The following SPATA16 variants were observed in gnomAD, a reference collection of about 807,000 sequenced individuals.
SPATA16 encodes spermatogenesis associated 16, also known as spermatogenesis-associated protein 16.
A neutral mutation model predicts 63.3 loss-of-function variants in SPATA16; 36 were observed. The ratio of observed to expected loss-of-function variants is 0.57; its 90% CI spans 0.44 to 0.75. The LOEUF (loss-of-function observed/expected upper bound fraction) is 0.75, where lower values mean the gene tolerates loss of function less well. Among genes scored for constraint, SPATA16 ranks in the 30% least tolerant of loss-of-function variants. The pLI is 0.00. For missense variants in SPATA16, 646 were observed against 679.3 expected (o/e 0.95, Z 0.54); for synonymous variants, 203 against 216.7 (o/e 0.94, Z 0.56).
At chr3:172,956,638 C>T (rs1733601638) in intron 6 of SPATA16, 39 bp downstream of exon 6, 1 of 1,600,566 alleles carries the variant, frequency 6.2e-7, no homozygotes, top group Non-Finnish European at 8.5e-7. Context: ...TTATTTGAAA[C>T]AAAATATCAG....
At chr3:172,960,905 C>CTTTCTTTCTTTCTTTCT (rs1733742352) in intron 5 of SPATA16, among the ~76,000 whole-genome samples, 1 of 129,966 alleles carries the variant, frequency 7.7e-6, no homozygotes, top group Non-Finnish European at 1.5e-5. Flanking sequence ...TTCCTTCCTT[C>CTTTCTTTCTTTCTTTCT]CTCCCTCCCT....
intron 10 of SPATA16, among the ~76,000 whole-genome samples, chr3:172,890,367 T>C (rs1006513754): frequency 2.4e-4 from 36 of 151,128 alleles, no homozygotes; most frequent in Admixed American, 5.3e-4. Context: ...CAGAAAAAAC[T>C]ATAGAATAAA....
Position 173,117,399 on chromosome 3 carries a change from A to C in SPATA16, c.333T>G (p.Pro111=), listed in dbSNP as rs1171341168. Residue 111 remains proline (P), a synonymous_variant, in exon 2 of 11, where the codon CCT becomes CCG. Coordinates refer to ENST00000351008, the MANE Select transcript of SPATA16 (RefSeq NM_031955.6). ...TGTTCTTTAAGGGGATGTGAGGCAG[A>C]GGCATGGTGATTAACTGATTGTCAA... ...TELDNQLITM[P]LPHIPLKNIM... is the part of the protein sequence containing the mutation. 1.9e-6 allele frequency: 3 copies of C among 1,614,168 alleles called. No homozygotes were observed. The Admixed American group carries it at 5.0e-5, about 27-fold the overall frequency.
chr3:172,934,131 T>C lies in SPATA16; in HGVS notation c.1082-8639A>G, dbSNP rs572409606. ...TTCTTGACCTAAATTATAATTATTA[T>C]TTTCCCACTTTGGATTAAATTCTAC... On this transcript the variant is annotated intron_variant, in intron 6 of 10. Coordinates refer to ENST00000351008, the MANE Select transcript of SPATA16 (RefSeq NM_031955.6). Among the ~76,000 whole-genome samples the C allele has an allele frequency of 2.3e-3, 349 of 152,194 alleles. 1 individual carries two copies. The highest frequency in any genetic ancestry group is 8.2e-3 in the African/African-American group (341 of 41,512).
chr3:173,101,594 C>T (rs1048883602), intron 2 of SPATA16, among the ~76,000 whole-genome samples: 52 of 152,168 alleles, frequency 3.4e-4, no homozygotes, highest in African/African-American at 1.2e-3. Flanking sequence ...CCTGGATTAT[C>T]GTCATCTTTG....
chr3:173,042,516 T>TA (rs539547029), intron 3 of SPATA16, among the ~76,000 whole-genome samples: 73 of 152,284 alleles, frequency 4.8e-4, no homozygotes, highest in Admixed American at 3.6e-3. Flanking sequence ...AGAAAGGCAT[T>TA]TTAAAAATAA....
chr3:173,007,232 G>T (rs1326635060), intron 4 of SPATA16, among the ~76,000 whole-genome samples: 1 of 152,210 alleles, frequency 6.6e-6, no homozygotes, highest in African/African-American at 2.4e-5. Context: ...CAGAGGGCGG[G>T]TTATGCTCAC....
intron 10 of SPATA16, among the ~76,000 whole-genome samples, chr3:172,897,311 G>A (rs1293541608): frequency 6.6e-6 from 1 of 151,986 alleles, no homozygotes; most frequent in Non-Finnish European, 1.5e-5. Context: ...ATTGAGCTTT[G>A]TGTTAATCCC....
chr3:173,003,573 T>C (rs1208344685), intron 4 of SPATA16, among the ~76,000 whole-genome samples: 2 of 152,182 alleles, frequency 1.3e-5, no homozygotes, highest in Admixed American at 6.5e-5. Context: ...TGCAGAGTTA[T>C]GAGAAACAAA....
chr3:173,075,574 A>G (rs1736782075), intron 2 of SPATA16, among the ~76,000 whole-genome samples: 2 of 152,208 alleles, frequency 1.3e-5, no homozygotes, highest in African/African-American at 4.8e-5. Flanking sequence ...ACATATACAC[A>G]ATAGAATATT....
At chr3:172,967,404 C>T (rs1239044849) in intron 5 of SPATA16, among the ~76,000 whole-genome samples, 2 of 152,128 alleles carry the variant, frequency 1.3e-5, no homozygotes, top group Non-Finnish European at 2.9e-5. Flanking sequence ...GAAGAAGATA[C>T]AAAATAAACA....
chr3:173,104,855 G>C (rs1161618922), intron 2 of SPATA16, among the ~76,000 whole-genome samples: 1 of 152,050 alleles, frequency 6.6e-6, no homozygotes, highest in Non-Finnish European at 1.5e-5. Flanking sequence ...TAATGGCCAG[G>C]GTTCATATTC....
intron 2 of SPATA16, among the ~76,000 whole-genome samples, chr3:173,091,596 C>A (rs2108319717): frequency 6.6e-6 from 1 of 151,962 alleles, no homozygotes; most frequent in Middle Eastern, 3.4e-3. Flanking sequence ...ATAGAATTGT[C>A]CAATGATAAG....
chr3:172,960,097 G>T, intron 5 of SPATA16, among the ~76,000 whole-genome samples: 1 of 152,010 alleles, frequency 6.6e-6, no homozygotes, highest in East Asian at 1.9e-4. Flanking sequence ...ATAAAAGATA[G>T]ATTTAAATTT....
intron 6 of SPATA16, among the ~76,000 whole-genome samples, chr3:172,946,334 A>G (rs1361587819): frequency 6.6e-6 from 1 of 152,182 alleles, no homozygotes; most frequent in Non-Finnish European, 1.5e-5. Flanking sequence ...GAGAGAAAAG[A>G]GTAAAGGGAA....
intron 2 of SPATA16, among the ~76,000 whole-genome samples, chr3:173,078,832 A>G (rs1314291990): frequency 6.6e-6 from 1 of 152,140 alleles, no homozygotes; most frequent in African/African-American, 2.4e-5. Context: ...ACATCCAGTG[A>G]GCAGACGCAG....
At chr3:173,122,158 C>G (rs572506996) in intron 1 of SPATA16, among the ~76,000 whole-genome samples, 2 of 151,752 alleles carry the variant, frequency 1.3e-5, no homozygotes, top group Admixed American at 6.6e-5. Context: ...TATTGACAGG[C>G]AACATTGGAA....
chr3:173,039,267 A>G (rs1735784752), intron 3 of SPATA16, among the ~76,000 whole-genome samples: 1 of 152,184 alleles, frequency 6.6e-6, no homozygotes, highest in East Asian at 1.9e-4. Flanking sequence ...CTGATATATT[A>G]GAAAGTAAAA....
At chr3:172,986,527 G>C (rs1410363699) in intron 4 of SPATA16, among the ~76,000 whole-genome samples, 2 of 152,180 alleles carry the variant, frequency 1.3e-5, no homozygotes, top group African/African-American at 4.8e-5. Flanking sequence ...AGCTTAAAAT[G>C]ATGAGTAGGA....
Sources: allele counts gnomAD v4.1 joint callset (sites outside exome capture counted in the v4.1 genomes callset), GRCh38; gene constraint gnomAD v4.1.1; transcripts MANE v1.5; gene names NCBI Gene and HGNC (gene_info 2026-07-23, HGNC 2026-07-21).